The following SATB1 variants were observed in gnomAD, a reference collection of about 807,000 sequenced individuals.
SATB1 encodes the protein DNA-binding protein SATB1.
A neutral mutation model predicts 86.9 loss-of-function variants in SATB1; 11 were observed. That is an observed-to-expected ratio of 0.13 (90% CI 0.08 to 0.21). The LOEUF is 0.21. SATB1 is among the 10% of genes least tolerant of loss of function. The probability of loss-of-function intolerance (pLI) is 1.00; values close to 1 mark genes in which losing one functional copy is unlikely to be tolerated. For missense variants in SATB1, 551 were observed against 937.6 expected (o/e 0.59, Z 5.39); for synonymous variants, 357 against 357.2 (o/e 1.00, Z 0.01).
rs1696878990 is a variant in SATB1 at position 18,394,823 on chromosome 3, G to A, written c.845C>T (p.Pro282Leu). The change falls in exon 7 of 11, where the codon CCT becomes CTT. Residue 282 changes from proline (P) to leucine (L), a missense_variant. Physicochemically the swap from Pro to Leu is moderately conservative, Grantham distance 98 (BLOSUM62 -3). This residue lies in a region of SATB1 where 119 missense variants were observed against 171.1 expected (regional missense o/e 0.70). Coordinates refer to ENST00000338745, the MANE Select transcript of SATB1 (RefSeq NM_002971.6). This position sits in a 1 kb window ranked among gnomAD's most constrained non-coding sequence, Gnocchi z 5.9. ...ATGGGAGAGCTGCGCAGGGGATGGA[G>A]GCTGCTCGGCTGTGTTCCCTGGAAC... The part of the protein sequence containing the change: ...QPVPGNTAEQ[P>L]PSPAQLSHGS... 1 of 1,614,120 alleles carries A rather than the reference G, an allele frequency of 6.2e-7. No homozygotes were observed. The highest frequency in any genetic ancestry group is 8.5e-7 in the Non-Finnish European group (1 of 1,180,020).
intron 1 of SATB1, among the ~76,000 whole-genome samples, chr3:18,422,840 A>G (rs1314114632): frequency 6.6e-6 from 1 of 152,232 alleles, no homozygotes; most frequent in Admixed American, 6.5e-5. Context: ...CATATTAAGT[A>G]ATCATGAGGC....
At chr3:18,360,691 T>C (rs9862302) in intron 9 of SATB1, among the ~76,000 whole-genome samples, 2,591 of 152,248 alleles carry the variant, frequency 0.017, 47 homozygotes, top group African/African-American at 0.034. Flanking sequence ...TAGATAATAA[T>C]GGTATTAATC....
chr3:18,348,968 G>T lies in SATB1; in HGVS notation c.*202C>A, dbSNP rs1694203935. ...AACAATCCTTGATGCTTCACCTGGGGCTGCCAAGCAGTTTGTAAAACAGAG... is the reference window on the plus strand; with the variant it reads ...AACAATCCTTGATGCTTCACCTGGGTCTGCCAAGCAGTTTGTAAAACAGAG... On this transcript the variant is annotated 3_prime_UTR_variant, in exon 11 of 11. Coordinates refer to ENST00000338745, the MANE Select transcript of SATB1 (RefSeq NM_002971.6). 2.5e-6 allele frequency: 2 copies of T among 813,546 alleles called. No homozygotes were observed. Among genetic ancestry groups the T allele is most frequent in the South Asian group, 2.0e-5 (1 of 50,092 alleles). 50.4% of individuals were successfully genotyped at this position (813,546 alleles called of 1,614,324 possible).
chr3:18,427,936 C>T (rs557083475), upstream of SATB1, among the ~76,000 whole-genome samples: 18 of 152,254 alleles, frequency 1.2e-4, no homozygotes, highest in African/African-American at 4.3e-4. Flanking sequence ...TAGTGGTATA[C>T]ATCACTGATG....
chr3:18,382,668 C>T (rs1397873213), intron 8 of SATB1, among the ~76,000 whole-genome samples: 1 of 152,190 alleles, frequency 6.6e-6, no homozygotes, highest in African/African-American at 2.4e-5. Context: ...CTGTTCTCCC[C>T]ACAATCCCAG....
intron 9 of SATB1, among the ~76,000 whole-genome samples, chr3:18,354,977 C>A (rs1047534122): frequency 6.6e-6 from 1 of 151,938 alleles, no homozygotes; most frequent in African/African-American, 2.4e-5. Context: ...TAACCTCTGC[C>A]CTTAAATAAT....
At chr3:18,443,153 G>A (rs1206195989), upstream of SATB1, among the ~76,000 whole-genome samples, 1 of 152,212 alleles carries the variant, frequency 6.6e-6, no homozygotes, top group Non-Finnish European at 1.5e-5. The surrounding 1 kb of genome is among the most constrained non-coding windows in gnomAD (Gnocchi z 4.4). Context: ...TCAACGGGAT[G>A]AGTTACTCTG....
At chr3:18,366,873 C>T (rs1411478341) in intron 9 of SATB1, among the ~76,000 whole-genome samples, 1 of 152,104 alleles carries the variant, frequency 6.6e-6, no homozygotes, top group East Asian at 1.9e-4. Flanking sequence ...TTCCGCCTAC[C>T]CCCCAAACTA....
chr3:18,408,160 A>G (rs149851460), intron 5 of SATB1, among the ~76,000 whole-genome samples: 3 of 152,184 alleles, frequency 2.0e-5, no homozygotes, highest in African/African-American at 7.2e-5. Flanking sequence ...ATAGAAAATA[A>G]TCAATTTTTT....
chr3:18,387,658 T>C (rs969692908), intron 7 of SATB1, among the ~76,000 whole-genome samples: 4 of 152,202 alleles, frequency 2.6e-5, no homozygotes, highest in African/African-American at 9.6e-5. Context: ...CATGAAATAA[T>C]GCTTGGAATA....
chr3:18,364,460 T>G lies in SATB1; in HGVS notation c.1576-12265A>C, dbSNP rs558349233. Among the ~76,000 whole-genome samples, 3 of 152,300 alleles carry G rather than the reference T, an allele frequency of 2.0e-5. No homozygotes were observed. In the South Asian group the frequency reaches 6.2e-4, roughly 32 times the overall value. ...AACATAATAGGACAGGAAAATATTT[T>G]GTGATTTTTTTTTAATGGTGACAAA... On this transcript the variant is annotated intron_variant, in intron 9 of 10. Transcript: ENST00000338745.
At chr3:18,368,099 A>T (rs547827287) in intron 9 of SATB1, among the ~76,000 whole-genome samples, 59 of 152,220 alleles carry the variant, frequency 3.9e-4, no homozygotes, top group Non-Finnish European at 7.5e-4. Flanking sequence ...CCCATTTGGG[A>T]ATCCTAAAAT....
chr3:18,438,626 T>C (rs928663808), exon 1 of SATB1: 1 of 152,162 alleles, frequency 6.6e-6, no homozygotes, highest in Non-Finnish European at 1.5e-5. Flanking sequence ...GAAAAAGTAG[T>C]CTTTGATGAG....
At chr3:18,421,158 G>A (rs1410922902) in intron 1 of SATB1, 167 bp from the exon 2 acceptor site, 1 of 569,412 alleles carries the variant, frequency 1.8e-6, no homozygotes, top group Non-Finnish European at 3.1e-6. Context: ...CTAGATGATA[G>A]CATTACATTC....
At chr3:18,427,257 C>T (rs938626944), upstream of SATB1, among the ~76,000 whole-genome samples, 4 of 152,276 alleles carry the variant, frequency 2.6e-5, no homozygotes, top group Admixed American at 2.0e-4. Flanking sequence ...TTAATAGTTG[C>T]TTCAAACTAG....
At chr3:18,362,086 A>G (rs906859847) in intron 9 of SATB1, among the ~76,000 whole-genome samples, 3 of 152,160 alleles carry the variant, frequency 2.0e-5, no homozygotes, top group Non-Finnish European at 4.4e-5. Context: ...TGTCTCTTCC[A>G]TAACTGATGA....
At chr3:18,425,951 C>T (rs1698683149), upstream of SATB1, among the ~76,000 whole-genome samples, 2 of 151,970 alleles carry the variant, frequency 1.3e-5, no homozygotes, top group Admixed American at 1.3e-4. Flanking sequence ...AAGGAGTACG[C>T]CTGGAGCGTC....
intron 8 of SATB1, among the ~76,000 whole-genome samples, chr3:18,384,052 A>C (rs1422906662): frequency 2.0e-5 from 3 of 152,172 alleles, no homozygotes; most frequent in African/African-American, 7.2e-5. Flanking sequence ...AAAGAGTTTC[A>C]CTAAGAATCT....
chr3:18,420,630 GT>G (rs1462810993), intron 2 of SATB1, 126 bp downstream of exon 2: 1 of 745,442 alleles, frequency 1.3e-6, no homozygotes, highest in Non-Finnish European at 2.3e-6. Context: ...TGTAACTAAT[GT>G]ACGATCATAA....
Sources: allele counts gnomAD v4.1 joint callset (sites outside exome capture counted in the v4.1 genomes callset), GRCh38; gene constraint gnomAD v4.1.1; regional missense constraint gnomAD v4.1.1; non-coding constraint Gnocchi (gnomAD v3.1); transcripts MANE v1.5; gene names NCBI Gene and HGNC (gene_info 2026-07-23, HGNC 2026-07-21).